Variants in NCAM1 observed in about 807,000 individuals in gnomAD.
The protein encoded by NCAM1 is antigen recognized by monoclonal antibody 5.1H11.
Under a neutral mutation model 109.8 loss-of-function variants are expected in NCAM1, and 14 were observed. The observed-to-expected ratio is 0.13, with a 90% CI of 0.08 to 0.20. The LOEUF (loss-of-function observed/expected upper bound fraction) is 0.20. Ranked by LOEUF, NCAM1 falls within the 10% of genes least tolerant of loss-of-function variation. NCAM1 has a pLI of 1.00. For synonymous variants in NCAM1, 418 were observed against 442.9 expected (o/e 0.94, Z 0.70); for missense variants, 774 against 1,109.9 (o/e 0.70, Z 4.30).
At chr11:112,982,723 G>T (rs1951186636) in intron 1 of NCAM1, among the ~76,000 whole-genome samples, 1 of 151,912 alleles carries the variant, frequency 6.6e-6, no homozygotes, top group Non-Finnish European at 1.5e-5. Context: ...TGAGGCGCAT[G>T]GTAAGAGTAA....
intron 1 of NCAM1, among the ~76,000 whole-genome samples, chr11:113,178,369 C>T (rs1387079125): frequency 3.3e-5 from 5 of 152,190 alleles, no homozygotes; most frequent in Non-Finnish European, 1.5e-5. Context: ...GCTGCAGGGG[C>T]TCATCTCCCT....
intron 1 of NCAM1, among the ~76,000 whole-genome samples, chr11:113,050,146 G>T (rs1555081574): frequency 7.7e-6 from 1 of 129,526 alleles, no homozygotes; most frequent in Non-Finnish European, 1.6e-5. Flanking sequence ...AGGGTGGGGG[G>T]GAATGAGTGA....
rs1555126015 is a variant in NCAM1 at position 113,273,792 on chromosome 11, G to T, written c.2457-1475G>T. The T allele has an allele frequency of 2.5e-6, 1 of 394,986 alleles. No individual in the cohort carries two copies. The highest frequency in any genetic ancestry group is 1.8e-5 in the South Asian group (1 of 55,176). 24.5% of individuals were successfully genotyped at this position (394,986 alleles called of 1,614,324 possible). A position where few individuals can be genotyped will look rare whatever the true frequency, so the allele number is the denominator to read the frequency against. ...TGCTGTCATCGGGTTGTGTCCTGTG[G>T]TGGTGTGCATTTGTGCTGTGCTGTG... is the stretch of plus-strand genomic sequence containing the variant. On this transcript the variant is annotated intron_variant, in intron 19 of 19. Transcript: ENST00000316851. The surrounding 1 kb of genome is among the most constrained non-coding windows in gnomAD (Gnocchi z 6.0).
At chr11:113,090,132 A>G (rs929258719) in intron 1 of NCAM1, among the ~76,000 whole-genome samples, 4 of 152,186 alleles carry the variant, frequency 2.6e-5, no homozygotes, top group African/African-American at 9.7e-5. Flanking sequence ...AGTAATTATG[A>G]GAAAATAATT....
intron 1 of NCAM1, among the ~76,000 whole-genome samples, chr11:113,181,584 A>G (rs1943334173): frequency 6.6e-6 from 1 of 152,132 alleles, no homozygotes; most frequent in Admixed American, 6.5e-5. Flanking sequence ...TTAATACCTA[A>G]GTAATGGATT....
chr11:113,224,900 C>T lies in NCAM1; in HGVS notation c.1089+3575C>T, dbSNP rs1384611408. Reference sequence around the variant, plus strand: ...GACTGTTAGAAGGAAAACTAACAAACAGAAAGAACATCCACACCAAAACCC... The same window carrying T: ...GACTGTTAGAAGGAAAACTAACAAATAGAAAGAACATCCACACCAAAACCC... On this transcript the variant is annotated intron_variant, in intron 9 of 19. Coordinates refer to ENST00000316851, the MANE Select transcript of NCAM1 (RefSeq NM_181351.5). Among the ~76,000 whole-genome samples the T allele has an allele frequency of 2.6e-5, 4 of 152,206 alleles. No homozygotes were observed. In the East Asian group the frequency reaches 7.7e-4, roughly 29 times the overall value.
intron 1 of NCAM1, among the ~76,000 whole-genome samples, chr11:113,000,847 T>TATACAC (rs1306306918): frequency 3.1e-4 from 35 of 113,586 alleles, no homozygotes; most frequent in African/African-American, 1.2e-3. Context: ...TATATATATA[T>TATACAC]ACACAAAAAA....
At chr11:113,033,695 A>C (rs2135367460) in intron 1 of NCAM1, among the ~76,000 whole-genome samples, 1 of 152,288 alleles carries the variant, frequency 6.6e-6, no homozygotes, top group South Asian at 2.1e-4. Context: ...CCTTACTCTT[A>C]TAAAAAGCAC....
At chr11:113,117,226 T>C (rs1940752168) in intron 1 of NCAM1, among the ~76,000 whole-genome samples, 1 of 151,984 alleles carries the variant, frequency 6.6e-6, no homozygotes, top group Admixed American at 6.6e-5. Context: ...AACTAATACA[T>C]CAGAAGCAAA....
intron 17 of NCAM1, chr11:113,263,333 C>G: frequency 1.0e-6 from 1 of 1,002,128 alleles, no homozygotes; most frequent in Non-Finnish European, 1.2e-6. Flanking sequence ...GTTAAAATCA[C>G]CACACATTCC....
intron 17 of NCAM1, chr11:113,264,804 G>T: frequency 2.0e-6 from 2 of 985,490 alleles, no homozygotes; most frequent in Non-Finnish European, 2.4e-6. Flanking sequence ...GGGTCCTCAA[G>T]GGTCCCATTT....
intron 1 of NCAM1, among the ~76,000 whole-genome samples, chr11:113,014,823 A>C (rs1952167047): frequency 6.6e-6 from 1 of 152,190 alleles, no homozygotes; most frequent in South Asian, 2.1e-4. Context: ...CGCAAATCTG[A>C]GAGTGGGAAC....
At chr11:113,177,383 A>G (rs1943189823) in intron 1 of NCAM1, among the ~76,000 whole-genome samples, 1 of 152,206 alleles carries the variant, frequency 6.6e-6, no homozygotes, top group African/African-American at 2.4e-5. Context: ...TCGCCAAAAA[A>G]AACCACTATT....
intron 1 of NCAM1, among the ~76,000 whole-genome samples, chr11:113,027,852 A>T (rs1555077658): frequency 6.6e-6 from 1 of 152,220 alleles, no homozygotes; most frequent in Non-Finnish European, 1.5e-5. Flanking sequence ...CTTGATGCTA[A>T]TGTAACTTAC....
At chr11:113,063,523 A>G (rs996578518) in intron 1 of NCAM1, among the ~76,000 whole-genome samples, 2 of 152,292 alleles carry the variant, frequency 1.3e-5, no homozygotes, top group Non-Finnish European at 2.9e-5. Flanking sequence ...TTACTCATCT[A>G]GAGGGGTTCT....
intron 1 of NCAM1, among the ~76,000 whole-genome samples, chr11:112,998,652 C>T (rs927484974): frequency 1.3e-5 from 2 of 152,054 alleles, no homozygotes; most frequent in African/African-American, 4.8e-5. Flanking sequence ...AAACAACTCT[C>T]GACACTAAGA....
At chr11:113,248,381 C>T (rs1555120670) in intron 15 of NCAM1, among the ~76,000 whole-genome samples, 1 of 152,124 alleles carries the variant, frequency 6.6e-6, no homozygotes, top group East Asian at 1.9e-4. Flanking sequence ...CCGCACGCAG[C>T]AGGAATTGTC....
chr11:113,244,237 T>G (rs1483502840), intron 14 of NCAM1, among the ~76,000 whole-genome samples: 2 of 152,228 alleles, frequency 1.3e-5, no homozygotes, highest in Non-Finnish European at 2.9e-5. Flanking sequence ...TGTAGGTTGG[T>G]CTTCTCTGTT....
intron 16 of NCAM1, among the ~76,000 whole-genome samples, chr11:113,257,739 G>T (rs1207231791): frequency 6.6e-6 from 1 of 152,326 alleles, no homozygotes; most frequent in East Asian, 1.9e-4. Context: ...TTATGAATAA[G>T]TATAATATAA....
Sources: allele counts gnomAD v4.1 joint callset (sites outside exome capture counted in the v4.1 genomes callset), GRCh38; gene constraint gnomAD v4.1.1; non-coding constraint Gnocchi (gnomAD v3.1); transcripts MANE v1.5; gene names NCBI Gene and HGNC (gene_info 2026-07-23, HGNC 2026-07-21).